The following ADAMTS18 variants were observed in gnomAD, a reference collection of about 807,000 sequenced individuals.
ADAMTS18 encodes A disintegrin and metalloproteinase with thrombospondin motifs 18.
Under a neutral mutation model 165.9 loss-of-function variants are expected in ADAMTS18, and 157 were observed. That is an observed-to-expected ratio of 0.95 (90% CI 0.83 to 1.08). The LOEUF is 1.08. Ranked by LOEUF, ADAMTS18 falls within the 50% of genes least tolerant of loss-of-function variation. The pLI, the probability that ADAMTS18 is intolerant of heterozygous loss-of-function variation, is 0.00. For synonymous variants in ADAMTS18, 782 were observed against 578.2 expected (o/e 1.35, Z -5.06); for missense variants, 2,040 against 1,534.0 (o/e 1.33, Z -5.51).
chr16:77,353,163 T>C (rs181462877), intron 10 of ADAMTS18, among the ~76,000 whole-genome samples: 20 of 152,334 alleles, frequency 1.3e-4, no homozygotes, highest in Admixed American at 7.2e-4. Flanking sequence ...AATGTCATTC[T>C]TGACCAAGTG....
intron 20 of ADAMTS18, 94 bp downstream of exon 20, chr16:77,292,982 G>T: frequency 6.5e-7 from 1 of 1,527,894 alleles, no homozygotes; most frequent in Non-Finnish European, 9.0e-7. Flanking sequence ...ACCTTGCCTG[G>T]CTAATTTTTT....
intron 3 of ADAMTS18, among the ~76,000 whole-genome samples, chr16:77,409,055 C>T (rs371486236): frequency 9.9e-5 from 15 of 151,764 alleles, no homozygotes; most frequent in African/African-American, 3.6e-4. Context: ...TATATACACA[C>T]ATATATATAA....
chr16:77,300,509 T>C (rs1373090983), intron 16 of ADAMTS18, 105 bp from the exon 17 acceptor site: 1 of 1,297,062 alleles, frequency 7.7e-7, no homozygotes, highest in African/African-American at 1.5e-5. Flanking sequence ...CATTTTGACC[T>C]TAACATTGGT....
intron 21 of ADAMTS18, chr16:77,290,590 G>GATTA (rs1411590645): frequency 6.4e-6 from 1 of 155,322 alleles, no homozygotes; most frequent in African/African-American, 2.4e-5. Flanking sequence ...CGGACTCTGT[G>GATTA]ATTAATGGTG....
In ADAMTS18 at chr16:77,353,775, T is replaced by A; in HGVS notation, c.1572A>T (p.Gln524His). 6.2e-7 allele frequency: 1 copy of A among 1,614,180 alleles called. No individual in the cohort carries two copies. The highest frequency in any genetic ancestry group is 1.1e-5 in the South Asian group (1 of 91,084). The change falls in exon 10 of 23, where the codon CAA becomes CAT. Residue 524 changes from glutamine to histidine, a missense_variant. Coordinates refer to ENST00000282849, the MANE Select transcript of ADAMTS18 (RefSeq NM_199355.4). ...IYDADTQCKW[Q>H]FGAKAKLCSL... ...TGCATAACTTGGCTTTTGCTCCAAATTGCCATTTACACTGTGTGTCAGCAT... is the reference window on the plus strand; with the variant it reads ...TGCATAACTTGGCTTTTGCTCCAAAATGCCATTTACACTGTGTGTCAGCAT...
At chr16:77,380,707 C>T (rs1567527827) in intron 3 of ADAMTS18, among the ~76,000 whole-genome samples, 1 of 152,136 alleles carries the variant, frequency 6.6e-6, no homozygotes, top group African/African-American at 2.4e-5. Flanking sequence ...TCATAATCAA[C>T]AGATGTTGGT....
intron 4 of ADAMTS18, among the ~76,000 whole-genome samples, chr16:77,364,779 A>C (rs562080791): frequency 6.6e-6 from 1 of 150,730 alleles, no homozygotes; most frequent in Admixed American, 6.6e-5. Context: ...AAGCAAAGGA[A>C]AGCAAAGCAA....
rs1466234244 is a variant in ADAMTS18, at chr16:77,327,984, CCAGAGGGAAAA to C, written c.1860-1957_1860-1947del. Among the ~76,000 whole-genome samples the C allele has an allele frequency of 2.0e-5, 3 of 152,046 alleles. No homozygotes were observed. The East Asian group carries it at 5.8e-4, about 29-fold the overall frequency. On this transcript the variant is annotated intron_variant, in intron 12 of 22. Transcript: ENST00000282849. ...GTGTTTCTTCTGATTGATTCTGAAACCAGAGGGAAAACATTCTCTTGTTTTCATCAGCATAG... is the reference window on the plus strand; with the variant it reads ...GTGTTTCTTCTGATTGATTCTGAAACCATTCTCTTGTTTTCATCAGCATAG...
intron 16 of ADAMTS18, among the ~76,000 whole-genome samples, chr16:77,314,881 A>C (rs1278826811): frequency 1.4e-5 from 2 of 144,812 alleles, no homozygotes; most frequent in African/African-American, 5.1e-5. Context: ...ATCTTCAGTT[A>C]TCCTCATCAT....
chr16:77,327,297 C>G (rs191737214), intron 12 of ADAMTS18, among the ~76,000 whole-genome samples: 1 of 152,230 alleles, frequency 6.6e-6, no homozygotes, highest in East Asian at 1.9e-4. Context: ...TCAGTGTACC[C>G]TGGACCCATT....
chr16:77,411,677 ATTTTTTT>A (rs34453966), intron 3 of ADAMTS18, among the ~76,000 whole-genome samples: 21 of 73,900 alleles, frequency 2.8e-4, no homozygotes, highest in African/African-American at 9.6e-4. Flanking sequence ...AGTATCCAGA[ATTTTTTT>A]TTTTTTTTTT....
chr16:77,413,797 G>T (rs2057495080), intron 3 of ADAMTS18, among the ~76,000 whole-genome samples: 1 of 120,588 alleles, frequency 8.3e-6, no homozygotes. Context: ...TAATAAAGAG[G>T]TTTCCATCTG....
intron 3 of ADAMTS18, among the ~76,000 whole-genome samples, chr16:77,400,025 T>C (rs1222036145): frequency 1.3e-5 from 2 of 152,192 alleles, no homozygotes; most frequent in Non-Finnish European, 2.9e-5. Flanking sequence ...AAGAACTCTA[T>C]GGTGGCACTG....
At chr16:77,381,606 A>G (rs2057031847) in intron 3 of ADAMTS18, among the ~76,000 whole-genome samples, 1 of 152,108 alleles carries the variant, frequency 6.6e-6, no homozygotes, top group Non-Finnish European at 1.5e-5. Flanking sequence ...GTTCGAGACC[A>G]GCCTGACCAA....
intron 3 of ADAMTS18, among the ~76,000 whole-genome samples, chr16:77,407,155 TA>T (rs1307218203): frequency 2.3e-4 from 35 of 152,226 alleles, no homozygotes; most frequent in African/African-American, 7.9e-4. Context: ...AGAGTGTTCT[TA>T]ATAAGAGTCT....
rs762638651 is a variant in ADAMTS18, at chr16:77,367,453, G to A, written c.766C>T (p.Arg256Ter). The change falls in exon 4 of 23, where the codon CGA (arginine) becomes TGA (stop). Residue 256 changes from arginine (R) to a stop codon, truncating the protein, a stop_gained. Transcript: ENST00000282849. LOFTEE classifies it high-confidence loss of function. The part of the protein sequence containing the change: ...RRLQKQHFCG[R>*]RKKYAPKPPT... ...TTTCCTTACATACATTTCTTGCGTC[G>A]TCCACAAAAATGCTGCTTTTGCAAC... 1.2e-5 allele frequency: 19 copies of A among 1,614,014 alleles called. No individual in the cohort carries two copies. The highest frequency in any genetic ancestry group is 1.1e-5 in the Non-Finnish European group (13 of 1,180,026).
intron 3 of ADAMTS18, among the ~76,000 whole-genome samples, chr16:77,413,779 C>A (rs2057494827): frequency 7.1e-6 from 1 of 141,796 alleles, no homozygotes. Flanking sequence ...AACCATAAGG[C>A]TGACACTTAA....
chr16:77,391,955 G>T (rs988104566), intron 3 of ADAMTS18, among the ~76,000 whole-genome samples: 2 of 152,114 alleles, frequency 1.3e-5, no homozygotes, highest in African/African-American at 2.4e-5. Context: ...AATTGATACT[G>T]CCATTGAAAA....
chr16:77,378,424 C>CA (rs752232036), intron 3 of ADAMTS18, among the ~76,000 whole-genome samples: 1 of 151,540 alleles, frequency 6.6e-6, no homozygotes, highest in Non-Finnish European at 1.5e-5. Context: ...TTTTAATGTG[C>CA]TAAAAACAGG....
Sources: allele counts gnomAD v4.1 joint callset (sites outside exome capture counted in the v4.1 genomes callset), GRCh38; gene constraint gnomAD v4.1.1; transcripts MANE v1.5; gene names NCBI Gene and HGNC (gene_info 2026-07-23, HGNC 2026-07-21).